The following RORA variants were observed in gnomAD, a reference collection of about 807,000 sequenced individuals.
The protein encoded by RORA is RAR related orphan receptor A.
Under a neutral mutation model 69.5 loss-of-function variants are expected in RORA, and 7 were observed. That is an observed-to-expected ratio of 0.10 (90% CI 0.06 to 0.19). The LOEUF is 0.19. Among genes scored for constraint, RORA ranks in the 10% least tolerant of loss-of-function variants. RORA has a pLI of 1.00. For synonymous variants in RORA, 261 were observed against 240.8 expected (o/e 1.08, Z -0.78); for missense variants, 457 against 663.0 (o/e 0.69, Z 3.41).
chr15:60,896,937 T>TG (rs1371668885), intron 1 of RORA, among the ~76,000 whole-genome samples: 1 of 152,090 alleles, frequency 6.6e-6, no homozygotes, highest in Non-Finnish European at 1.5e-5. Flanking sequence ...TCCTTTCTCA[T>TG]GAGGTGGCTG....
chr15:60,844,354 T>A (rs1476061687), intron 1 of RORA, among the ~76,000 whole-genome samples: 1 of 152,204 alleles, frequency 6.6e-6, no homozygotes, highest in East Asian at 1.9e-4. Context: ...ATGCATCTAC[T>A]TAAGGAAAAC....
At chr15:60,582,521 T>G (rs959935646) in intron 2 of RORA, among the ~76,000 whole-genome samples, 1 of 152,214 alleles carries the variant, frequency 6.6e-6, no homozygotes, top group African/African-American at 2.4e-5. Context: ...CAATAACCCA[T>G]ATCTTCATCT....
chr15:60,776,607 C>T (rs751000315), intron 1 of RORA, among the ~76,000 whole-genome samples: 2 of 152,162 alleles, frequency 1.3e-5, no homozygotes, highest in Non-Finnish European at 2.9e-5. Flanking sequence ...AGATCCTGCA[C>T]TAAAAGGGTA....
intron 1 of RORA, among the ~76,000 whole-genome samples, chr15:60,889,090 C>T (rs773468977): frequency 9.2e-5 from 14 of 152,244 alleles, no homozygotes; most frequent in Admixed American, 2.6e-4. Flanking sequence ...CCCCTAGCCC[C>T]GTGCTCAGGG....
At chr15:61,056,956 C>A (rs953497679) in intron 1 of RORA, among the ~76,000 whole-genome samples, 1 of 152,216 alleles carries the variant, frequency 6.6e-6, no homozygotes, top group East Asian at 1.9e-4. Context: ...CATGAAAAGG[C>A]GATGCCTTTA....
chr15:60,951,291 T>C (rs1017421484), intron 1 of RORA, among the ~76,000 whole-genome samples: 2 of 128,822 alleles, frequency 1.6e-5, no homozygotes, highest in Non-Finnish European at 3.3e-5. Context: ...TTCAAAGCAG[T>C]GTGTAGAGGG....
intron 1 of RORA, among the ~76,000 whole-genome samples, chr15:60,710,035 G>T (rs2071122184): frequency 6.6e-6 from 1 of 152,086 alleles, no homozygotes; most frequent in East Asian, 1.9e-4. Context: ...CATGTGTCTG[G>T]TCTGTCAGGA....
At chr15:60,554,109 T>G (rs2067295794) in intron 2 of RORA, among the ~76,000 whole-genome samples, 1 of 152,198 alleles carries the variant, frequency 6.6e-6, no homozygotes, top group East Asian at 1.9e-4. Context: ...ACTGAGTAAG[T>G]GATTTTAATC....
At chr15:60,997,046 T>TGC (rs1432948497) in intron 1 of RORA, among the ~76,000 whole-genome samples, 1 of 151,700 alleles carries the variant, frequency 6.6e-6, no homozygotes, top group Non-Finnish European at 1.5e-5. Context: ...GGTTTGTGTG[T>TGC]GTGTGTGTGT....
intron 1 of RORA, among the ~76,000 whole-genome samples, chr15:60,714,291 C>A (rs1005619244): frequency 6.6e-6 from 1 of 151,610 alleles, no homozygotes; most frequent in Non-Finnish European, 1.5e-5. Context: ...ACTCCTGACC[C>A]CAGGTGATCC....
intron 2 of RORA, among the ~76,000 whole-genome samples, chr15:60,541,069 G>C (rs2066856697): frequency 6.6e-6 from 1 of 152,120 alleles, no homozygotes; most frequent in South Asian, 2.1e-4. Flanking sequence ...TGAGAGATGA[G>C]GGAAGGATCC....
At chr15:60,772,079 T>G (rs1295298870) in intron 1 of RORA, among the ~76,000 whole-genome samples, 7 of 152,146 alleles carry the variant, frequency 4.6e-5, no homozygotes, top group Non-Finnish European at 8.8e-5. Context: ...ATATTATACT[T>G]TAAGTTCTAG....
chr15:61,039,697 A>C (rs1896639508), intron 1 of RORA, among the ~76,000 whole-genome samples: 1 of 145,024 alleles, frequency 6.9e-6, no homozygotes, highest in African/African-American at 2.6e-5. Context: ...GTGAGCCAAG[A>C]TTGCACCACT....
intron 1 of RORA, among the ~76,000 whole-genome samples, chr15:60,917,613 G>A (rs1313232808): frequency 6.6e-6 from 1 of 152,182 alleles, no homozygotes; most frequent in Non-Finnish European, 1.5e-5. Flanking sequence ...GTCGGCCGAG[G>A]GGCAGCTGTG....
At chr15:60,981,752 A>T (rs750703900) in intron 1 of RORA, among the ~76,000 whole-genome samples, 33 of 152,006 alleles carry the variant, frequency 2.2e-4, no homozygotes, top group Non-Finnish European at 4.4e-4. Flanking sequence ...GAATATATTT[A>T]CAATAGCTGA....
intron 1 of RORA, among the ~76,000 whole-genome samples, chr15:60,772,211 C>G (rs1413762818): frequency 6.6e-6 from 1 of 152,042 alleles, no homozygotes; most frequent in Non-Finnish European, 1.5e-5. Flanking sequence ...TCCCCCAGGC[C>G]CCCACCCCCC....
At position 60,721,493 on chromosome 15, in the gene RORA, A is replaced by G. The variant is rs561295766; in HGVS notation, c.167-42807T>C. On this transcript the variant is annotated intron_variant, in intron 1 of 10. Coordinates refer to ENST00000335670, the MANE Select transcript of RORA (RefSeq NM_134261.3). ...ATGCACATTATTTAAGTATATATTT[A>G]TTTACTCATACAGACCAGATTTGTT... Among the ~76,000 whole-genome samples the G allele has an allele frequency of 7.9e-5, 12 of 152,376 alleles. No homozygotes were observed. In the South Asian group the frequency reaches 2.5e-3, roughly 32 times the overall value.
chr15:60,919,366 T>C (rs947270113), intron 1 of RORA, among the ~76,000 whole-genome samples: 4 of 152,144 alleles, frequency 2.6e-5, no homozygotes, highest in Non-Finnish European at 4.4e-5. Context: ...TATGGTCCAA[T>C]GTCACAAAGC....
intron 2 of RORA, among the ~76,000 whole-genome samples, chr15:60,650,035 G>C (rs1209203077): frequency 6.6e-6 from 1 of 152,110 alleles, no homozygotes; most frequent in Admixed American, 6.5e-5. Flanking sequence ...CACGAGTCAT[G>C]GTAACTGACC....
Sources: allele counts gnomAD v4.1 joint callset (sites outside exome capture counted in the v4.1 genomes callset), GRCh38; gene constraint gnomAD v4.1.1; transcripts MANE v1.5; gene names NCBI Gene and HGNC (gene_info 2026-07-23, HGNC 2026-07-21).